Variants in GKAP1 observed in about 807,000 individuals in gnomAD.
GKAP1 encodes the protein G kinase-anchoring protein 1.
GKAP1 carries 31 observed loss-of-function variants against 56.7 expected under a neutral mutation model. The observed-to-expected ratio is 0.55, with a 90% CI of 0.41 to 0.74. The LOEUF (loss-of-function observed/expected upper bound fraction) is 0.74, where lower values mean the gene tolerates loss of function less well. GKAP1 is among the 30% of genes least tolerant of loss of function. GKAP1 has a pLI of 0.00. For synonymous variants in GKAP1, 151 were observed against 138.6 expected (o/e 1.09, Z -0.63); for missense variants, 364 against 402.3 (o/e 0.90, Z 0.82).
At chr9:83,772,138 T>C (rs1943774014) in intron 7 of GKAP1, among the ~76,000 whole-genome samples, 1 of 151,980 alleles carries the variant, frequency 6.6e-6, no homozygotes, top group Non-Finnish European at 1.5e-5. Context: ...ACATAAAATA[T>C]TTAACATAAT....
intron 2 of GKAP1, among the ~76,000 whole-genome samples, chr9:83,807,048 T>A (rs1408992784): frequency 6.6e-6 from 1 of 152,194 alleles, no homozygotes; most frequent in Non-Finnish European, 1.5e-5. Context: ...CTAGAGACTG[T>A]GATTTAGAAC....
chr9:83,771,237 GTTGTTTGTTTGT>G (rs57442408), intron 7 of GKAP1, among the ~76,000 whole-genome samples: 2 of 150,854 alleles, frequency 1.3e-5, no homozygotes, highest in South Asian at 2.1e-4. Flanking sequence ...TAATTTTTTT[GTTGTTTGTTTGT>G]TTGTTTGTTT....
chr9:83,753,383 T>C (rs771798525), intron 8 of GKAP1, 24 bp from the exon 9 acceptor site: 7 of 1,377,056 alleles, frequency 5.1e-6, no homozygotes, highest in Non-Finnish European at 7.2e-6. Flanking sequence ...AACAACACTT[T>C]AGGACTTTGA....
At chr9:83,752,438 A>G (rs1240408640) in intron 9 of GKAP1, among the ~76,000 whole-genome samples, 1 of 152,130 alleles carries the variant, frequency 6.6e-6, no homozygotes, top group Non-Finnish European at 1.5e-5. Flanking sequence ...AAACAAAAAA[A>G]CCACATTATG....
intron 7 of GKAP1, among the ~76,000 whole-genome samples, chr9:83,779,426 C>CATATATATAT (rs141709042): frequency 1.1e-5 from 1 of 92,958 alleles, no homozygotes; most frequent in African/African-American, 3.7e-5. Flanking sequence ...GGTCAGAAGC[C>CATATATATAT]ATATATATAT....
chr9:83,762,709 C>T (rs941728956), intron 8 of GKAP1, among the ~76,000 whole-genome samples: 4 of 152,050 alleles, frequency 2.6e-5, no homozygotes, highest in African/African-American at 4.8e-5. Context: ...ACACACAGAC[C>T]AATGGAACAG....
chr9:83,753,795 C>T (rs546253074), intron 8 of GKAP1, among the ~76,000 whole-genome samples: 1 of 152,200 alleles, frequency 6.6e-6, no homozygotes, highest in African/African-American at 2.4e-5. Context: ...AATTTCCTCA[C>T]AACAGCAAGA....
At chr9:83,790,508 C>T (rs985009051) in intron 4 of GKAP1, among the ~76,000 whole-genome samples, 1 of 152,092 alleles carries the variant, frequency 6.6e-6, no homozygotes, top group African/African-American at 2.4e-5. Flanking sequence ...ACTAGGCCGG[C>T]ACAGTGGCTC....
At position 83,762,716 on chromosome 9, in the gene GKAP1, A is replaced by G. The variant is rs113175720; in HGVS notation, c.738+6102T>C. Among the ~76,000 whole-genome samples, 12 of 152,318 alleles carry G rather than the reference A, an allele frequency of 7.9e-5. 1 individual carries two copies. The highest frequency in any genetic ancestry group is 2.9e-4 in the African/African-American group (12 of 41,568). On this transcript the variant is annotated intron_variant, in intron 8 of 12. Coordinates refer to ENST00000376371, the MANE Select transcript of GKAP1 (RefSeq NM_025211.4). ...AAACACACACACACAGACCAATGGA[A>G]CAGAACCCAGAACCCAGAAACAAAT...
chr9:83,757,792 T>C (rs1026730518), intron 8 of GKAP1, among the ~76,000 whole-genome samples: 1 of 151,208 alleles, frequency 6.6e-6, no homozygotes, highest in African/African-American at 2.4e-5. Context: ...AAGATAGATC[T>C]GAAAAATATT....
chr9:83,808,591 C>CT (rs549588772), intron 2 of GKAP1, among the ~76,000 whole-genome samples: 251 of 152,004 alleles, frequency 1.7e-3, no homozygotes, highest in African/African-American at 5.9e-3. Flanking sequence ...GTCAGACTCT[C>CT]TCTCAAAAAA....
In GKAP1 at chr9:83,806,255, T is replaced by C. The variant is rs11140257; in HGVS notation, c.216+47A>G. On this transcript the variant is annotated intron_variant, in intron 3 of 12. Coordinates refer to ENST00000376371, the MANE Select transcript of GKAP1 (RefSeq NM_025211.4). ...AACAAGATAGTATCTGTTCTCAGGATGATTACCATCTACTGGGAAAGCAGA... is the reference window on the plus strand; with the variant it reads ...AACAAGATAGTATCTGTTCTCAGGACGATTACCATCTACTGGGAAAGCAGA... 5.5e-3 allele frequency: 6,794 copies of C among 1,232,152 alleles called. 172 individuals are homozygous for C. Among genetic ancestry groups the C allele is most frequent in the East Asian group, 0.039 (1,546 of 39,574 alleles). 76.3% of individuals were successfully genotyped at this position (1,232,152 alleles called of 1,614,324 possible). A position where few individuals can be genotyped will look rare whatever the true frequency, so the allele number is the denominator to read the frequency against.
chr9:83,806,531 C>G lies in GKAP1; in HGVS notation c.-14G>C. 3.1e-6 allele frequency: 5 copies of G among 1,606,838 alleles called. No individual in the cohort carries two copies. The highest frequency in any genetic ancestry group is 4.3e-6 in the Non-Finnish European group (5 of 1,176,244). On this transcript the variant is annotated 5_prime_UTR_variant, in exon 3 of 13. Coordinates refer to ENST00000376371, the MANE Select transcript of GKAP1 (RefSeq NM_025211.4). ...TGCTGAGGCCATCGTAAAGATTTTTCTTTTAAAATACTTCTGTCAAGAATA... is the reference window on the plus strand; with the variant it reads ...TGCTGAGGCCATCGTAAAGATTTTTGTTTTAAAATACTTCTGTCAAGAATA...
In GKAP1 at chr9:83,741,994, T is replaced by A. The variant is rs1429653389; in HGVS notation, c.1011A>T (p.Arg337Ser). Reference sequence around the variant, plus strand: ...CTGCTTGTAATACTTTCACTTTAGATCTTTCTTGTTCTAATGCAGCATGAA... The same window carrying A: ...CTGCTTGTAATACTTTCACTTTAGAACTTTCTTGTTCTAATGCAGCATGAA... ...TSLHAALEQE[R>S]SKVKVLQAEL... The change falls in exon 12 of 13, where the codon AGA becomes AGT. Residue 337 changes from arginine (R) to serine (S), a missense_variant. Arg to Ser is a moderately radical substitution (Grantham distance 110). Transcript: ENST00000376371. 6.3e-7 allele frequency: 1 copy of A among 1,592,222 alleles called. No homozygotes were observed. Among genetic ancestry groups the A allele is most frequent in the South Asian group, 1.2e-5 (1 of 86,634 alleles).
intron 2 of GKAP1, among the ~76,000 whole-genome samples, chr9:83,812,098 A>G (rs1944513240): frequency 6.6e-6 from 1 of 151,832 alleles, no homozygotes; most frequent in Non-Finnish European, 1.5e-5. Flanking sequence ...AAATGAAGAA[A>G]GAAATGCATG....
At chr9:83,814,315 G>A (rs1564219679) in intron 2 of GKAP1, among the ~76,000 whole-genome samples, 1 of 152,120 alleles carries the variant, frequency 6.6e-6, no homozygotes, top group South Asian at 2.1e-4. Context: ...TAGTTTACTT[G>A]TTCATATCTT....
rs1170518452 is a variant in GKAP1 at position 83,788,655 on chromosome 9, T to C, written c.384A>G (p.Ala128=). ...DEQLTSEMFE[A]DLEKALLLSK... is the part of the protein sequence containing the mutation. ...TTAGTAACAATGCCTTCTCAAGATC[T>C]GCTTCAAACATTTCAGATGTCAGCT... The change falls in exon 5 of 13, where the codon GCA becomes GCG. Residue 128 remains alanine, a synonymous_variant. Transcript: ENST00000376371. 1 of 1,605,696 alleles carries C rather than the reference T, an allele frequency of 6.2e-7. No individual in the cohort carries two copies. The highest frequency in any genetic ancestry group is 8.5e-7 in the Non-Finnish European group (1 of 1,176,320).
At chr9:83,741,381 C>A (rs1441884264) in intron 12 of GKAP1, among the ~76,000 whole-genome samples, 1 of 151,720 alleles carries the variant, frequency 6.6e-6, no homozygotes. Context: ...CACACACACA[C>A]ACACACACAC....
intron 10 of GKAP1, among the ~76,000 whole-genome samples, chr9:83,744,558 C>T (rs183577271): frequency 2.6e-4 from 39 of 152,264 alleles, no homozygotes; most frequent in African/African-American, 9.4e-4. Context: ...ATGTATTTAA[C>T]CATTTTAACA....
Sources: allele counts gnomAD v4.1 joint callset (sites outside exome capture counted in the v4.1 genomes callset), GRCh38; gene constraint gnomAD v4.1.1; transcripts MANE v1.5; gene names NCBI Gene and HGNC (gene_info 2026-07-23, HGNC 2026-07-21).